Variants in GRIN2A observed in about 807,000 individuals in gnomAD.
The protein encoded by GRIN2A is glutamate ionotropic receptor NMDA type subunit 2A.
In GRIN2A, 22 loss-of-function variants were observed where a neutral mutation model predicts 113.4. That is an observed-to-expected ratio of 0.19 (90% CI 0.14 to 0.28). GRIN2A has a LOEUF of 0.28. Among genes scored for constraint, GRIN2A ranks in the 10% least tolerant of loss-of-function variants. The pLI is 1.00. For missense variants in GRIN2A, 1,502 were observed against 1,887.0 expected, an observed-to-expected ratio of 0.80 and a Z score of 3.78; for synonymous variants, 827 against 738.4, an observed-to-expected ratio of 1.12 and a Z score of -1.94.
Position 9,764,730 on chromosome 16 carries a change from C to G in GRIN2A, c.2814G>C (p.Lys938Asn). ...TGTTGTCTGAGTACATCAAATTCCC[C>G]TTATCTGAAACCATGTCCATGATGA... is the stretch of plus-strand genomic sequence containing the variant. ...GSLIMDMVSDKGNLMYSDNRS... is the reference protein window; with the variant it reads ...GSLIMDMVSDNGNLMYSDNRS... The change falls in exon 13 of 13, where the codon AAG becomes AAC. Residue 938 changes from lysine to asparagine, a missense_variant. Transcript: ENST00000330684. 3 of 1,614,232 alleles carry G rather than the reference C, an allele frequency of 1.9e-6. No homozygotes were observed. The highest frequency in any genetic ancestry group is 2.5e-6 in the Non-Finnish European group (3 of 1,180,030).
chr16:9,814,027 C>T (rs2042140276), intron 10 of GRIN2A, among the ~76,000 whole-genome samples: 1 of 152,116 alleles, frequency 6.6e-6, no homozygotes, highest in South Asian at 2.1e-4. Context: ...AGCAACTGAA[C>T]CTCAGTGACA....
chr16:9,809,588 G>A (rs76800423), intron 10 of GRIN2A, among the ~76,000 whole-genome samples: 1,923 of 151,308 alleles, frequency 0.013, 15 homozygotes, highest in Middle Eastern at 0.041. Context: ...ATTTTTTAAT[G>A]AGAAGCAATA....
chr16:9,918,022 G>C (rs2044284932), intron 3 of GRIN2A, among the ~76,000 whole-genome samples: 1 of 152,060 alleles, frequency 6.6e-6, no homozygotes. Flanking sequence ...TTATATAAGA[G>C]CCAGCATTCA....
At chr16:10,051,783 C>T (rs2047364466) in intron 2 of GRIN2A, among the ~76,000 whole-genome samples, 1 of 152,178 alleles carries the variant, frequency 6.6e-6, no homozygotes, top group South Asian at 2.1e-4. Flanking sequence ...GAAGATGGGG[C>T]AGAGAGACTG....
rs538675013 is a variant in GRIN2A, at chr16:9,914,275, G to C, written c.1008-23175C>G. Among the ~76,000 whole-genome samples, 17 of 152,304 alleles carry C rather than the reference G, an allele frequency of 1.1e-4. No individual in the cohort carries two copies. In the South Asian group the frequency reaches 3.5e-3, roughly 32 times the overall value. ...ACAATAAAACTTTACAGAACTGCCAGTTTTCAACATGCTGGCAGCAAAACC... is the reference window on the plus strand; with the variant it reads ...ACAATAAAACTTTACAGAACTGCCACTTTTCAACATGCTGGCAGCAAAACC... On this transcript the variant is annotated intron_variant, in intron 3 of 12. Transcript: ENST00000330684.
intron 2 of GRIN2A, among the ~76,000 whole-genome samples, chr16:9,944,951 C>T (rs748553707): frequency 1.4e-4 from 22 of 152,114 alleles, no homozygotes; most frequent in Admixed American, 3.3e-4. Flanking sequence ...GGGAAGGAGG[C>T]TACCAAAGTG....
Position 9,759,409 on chromosome 16 carries a change from G to C in GRIN2A, c.*3740C>G, listed in dbSNP as rs563478996. On this transcript the variant is annotated 3_prime_UTR_variant, in exon 13 of 13. Coordinates refer to ENST00000330684, the MANE Select transcript of GRIN2A (RefSeq NM_001134407.3). ...ACATCAGTGGTCGACATAGCAAATA[G>C]AATAAACAATGTGTGACTATATGAC... 4.4e-6 allele frequency: 1 copy of C among 225,378 alleles called. No homozygotes were observed. The highest frequency in any genetic ancestry group is 5.7e-5 in the Admixed American group (1 of 17,558). 14.0% of individuals were successfully genotyped at this position (225,378 alleles called of 1,614,324 possible).
At chr16:10,030,947 G>C (rs954864912) in intron 2 of GRIN2A, among the ~76,000 whole-genome samples, 126 of 152,296 alleles carry the variant, frequency 8.3e-4, no homozygotes, top group African/African-American at 2.7e-3. Context: ...TCTTTGGTAT[G>C]TCTCATGCAC....
chr16:9,813,493 A>G (rs1393338876), intron 10 of GRIN2A, among the ~76,000 whole-genome samples: 1 of 147,830 alleles, frequency 6.8e-6, no homozygotes, highest in East Asian at 2.0e-4. Context: ...ACATTTTGAT[A>G]TATTTCTTTT....
chr16:9,934,577 A>T (rs2044667326), intron 3 of GRIN2A, among the ~76,000 whole-genome samples: 1 of 135,982 alleles, frequency 7.4e-6, no homozygotes, highest in South Asian at 2.5e-4. Context: ...GTTACTTAGG[A>T]GGGTGGGGCG....
At chr16:10,023,594 G>C (rs1401733698) in intron 2 of GRIN2A, among the ~76,000 whole-genome samples, 1 of 152,190 alleles carries the variant, frequency 6.6e-6, no homozygotes. Flanking sequence ...GAAAGAAATA[G>C]ATGTGAAGGA....
chr16:9,930,770 T>C (rs139815613), intron 3 of GRIN2A, among the ~76,000 whole-genome samples: 13 of 152,154 alleles, frequency 8.5e-5, no homozygotes, highest in Admixed American at 2.0e-4. Flanking sequence ...TAAATAAAAA[T>C]ATGTCAACCA....
In GRIN2A at chr16:9,832,133, T is replaced by TATTG. The variant is rs1451776081; in HGVS notation, c.1777+1968_1777+1971dup. Among the ~76,000 whole-genome samples, 15 of 139,244 alleles carry TATTG rather than the reference T, an allele frequency of 1.1e-4. No individual in the cohort carries two copies. In the South Asian group the frequency reaches 2.1e-3, roughly 20 times the overall value. The allele number at this position is 139,244 out of a possible 152,430, so 91.3% of individuals were successfully genotyped here. ...TTATTTATTTATTTATTTATTTATT[T>TATTG]ATTGTAGAGATGAGGTCTTGCTATG... On this transcript the variant is annotated intron_variant, in intron 8 of 12. Transcript: ENST00000330684.
intron 2 of GRIN2A, among the ~76,000 whole-genome samples, chr16:10,072,092 G>C (rs1049333319): frequency 6.6e-6 from 1 of 152,102 alleles, no homozygotes; most frequent in Non-Finnish European, 1.5e-5. Context: ...CTCTATCTGG[G>C]GACTTGGAAA....
At chr16:9,870,150 C>A (rs2043231327) in intron 4 of GRIN2A, among the ~76,000 whole-genome samples, 1 of 152,142 alleles carries the variant, frequency 6.6e-6, no homozygotes, top group Admixed American at 6.5e-5. Flanking sequence ...CTGCCAAAAG[C>A]CACTTGGTGT....
At chr16:10,129,602 C>T (rs981411755) in intron 2 of GRIN2A, among the ~76,000 whole-genome samples, 24 of 152,014 alleles carry the variant, frequency 1.6e-4, no homozygotes, top group Non-Finnish European at 3.4e-4. Flanking sequence ...ACAACAAGTG[C>T]AAAGGTGAGT....
At chr16:10,094,301 T>C (rs906452067) in intron 2 of GRIN2A, among the ~76,000 whole-genome samples, 4 of 152,212 alleles carry the variant, frequency 2.6e-5, no homozygotes, top group Admixed American at 2.6e-4. Flanking sequence ...ACAGGCTCAG[T>C]TCTGCCACTC....
At chr16:10,151,138 C>T (rs1312997624) in intron 2 of GRIN2A, among the ~76,000 whole-genome samples, 2 of 152,140 alleles carry the variant, frequency 1.3e-5, no homozygotes, top group South Asian at 2.1e-4. Flanking sequence ...TCTTCCTGTC[C>T]GCCATCTTGA....
intron 2 of GRIN2A, among the ~76,000 whole-genome samples, chr16:10,136,538 G>C (rs2049194546): frequency 6.6e-6 from 1 of 151,834 alleles, no homozygotes; most frequent in South Asian, 2.1e-4. Context: ...AAAGGTTAAA[G>C]ATACTGATTA....
Sources: gnomAD v4.1 joint callset for allele counts (sites outside exome capture counted in the v4.1 genomes callset) on GRCh38, gnomAD v4.1.1 for gene constraint, MANE v1.5 for transcripts, NCBI Gene and HGNC (gene_info 2026-07-23, HGNC 2026-07-21) for gene names.